KIF1A: variants seen among roughly 807,000 people sequenced by gnomAD.
KIF1A encodes kinesin family member 1A.
KIF1A carries 46 observed loss-of-function variants against 227.3 expected under a neutral mutation model. The observed-to-expected ratio is 0.20, with a 90% CI of 0.16 to 0.26. KIF1A has a LOEUF of 0.26. Ranked by LOEUF, KIF1A falls within the 10% of genes least tolerant of loss-of-function variation. The probability of loss-of-function intolerance (pLI) is 1.00; values close to 1 mark genes in which losing one functional copy is unlikely to be tolerated. For missense variants in KIF1A, 1,683 were observed against 2,485.9 expected, an observed-to-expected ratio of 0.68 and a Z score of 6.87; for synonymous variants, 1,022 against 1,012.8, an observed-to-expected ratio of 1.01 and a Z score of -0.17.
intron 7 of KIF1A, 68 bp from the exon 8 acceptor site, chr2:240,783,884 G>T: frequency 1.6e-6 from 2 of 1,234,286 alleles, no homozygotes; most frequent in Non-Finnish European, 2.3e-6. Context: ...AGGACCCCTG[G>T]GCAAGGTCTC....
chr2:240,718,627 G>A (rs908523877), intron 47 of KIF1A, among the ~76,000 whole-genome samples: 1 of 152,384 alleles, frequency 6.6e-6, no homozygotes, highest in African/African-American at 2.4e-5. Context: ...GGGCTGGGCA[G>A]AGTGGGGGCA....
rs1395665004 is a variant in KIF1A, at chr2:240,797,690, G to A, written c.63C>T (p.Ser21=). ...RVRPFNSREM[S]RDSKCIIQMS... is the part of the protein sequence containing the mutation. ...TCTGAATGATGCACTTGGAGTCACG[G>A]CTCATTTCCCGGGAATTGAAGGGGC... is the stretch of plus-strand genomic sequence containing the variant. The change falls in exon 2 of 49, where the codon AGC becomes AGT. Residue 21 remains serine, a synonymous_variant. Transcript: ENST00000498729. 2 of 1,612,814 alleles carry A rather than the reference G, an allele frequency of 1.2e-6. No homozygotes were observed. The highest frequency in any genetic ancestry group is 8.5e-7 in the Non-Finnish European group (1 of 1,179,624).
At chr2:240,720,350 G>C (rs951551604) in intron 45 of KIF1A, 1 of 163,682 alleles carries the variant, frequency 6.1e-6, no homozygotes, top group African/African-American at 2.4e-5. Flanking sequence ...CCCCCACATG[G>C]GCCAGGCCCC....
Position 240,771,082 on chromosome 2 carries a change from C to T in KIF1A, c.1230G>A (p.Met410Ile), listed in dbSNP as rs1413146684. The T allele has an allele frequency of 6.2e-7, 1 of 1,613,560 alleles. No individual in the cohort carries two copies. Among genetic ancestry groups the T allele is most frequent in the Non-Finnish European group, 8.5e-7 (1 of 1,179,806 alleles). Residue 410 changes from methionine (M) to isoleucine (I), a missense_variant, in exon 15 of 49, where the codon ATG (methionine) becomes ATA (isoleucine). Met to Ile is a conservative substitution (Grantham distance 10). Coordinates refer to ENST00000498729, the MANE Select transcript of KIF1A (RefSeq NM_001244008.2). ...GGGCTGAGAGCGAGGATGAGGGGCTCATACCCACCAGGGCATTGGTCACTG... is the reference window on the plus strand; with the variant it reads ...GGGCTGAGAGCGAGGATGAGGGGCTTATACCCACCAGGGCATTGGTCACTG... ...GPKLTNALVG[M>I]SPSSSLSALS... is the part of the protein sequence containing the mutation.
At position 240,792,344 on chromosome 2, in the gene KIF1A, T is replaced by A. The variant is rs897103939; in HGVS notation, c.107-3032A>T. 6.6e-5 allele frequency among the ~76,000 whole-genome samples: 10 copies of A among 152,036 alleles called. No homozygotes were observed. The highest frequency in any genetic ancestry group is 2.4e-4 in the African/African-American group (10 of 41,484). On this transcript the variant is annotated intron_variant, in intron 2 of 48. Coordinates refer to ENST00000498729, the MANE Select transcript of KIF1A (RefSeq NM_001244008.2). This position sits in a 1 kb window ranked among gnomAD's most constrained non-coding sequence, Gnocchi z 4.5. ...AGAAACAGGTCCTCCCAGGGCCTGC[T>A]GGGCTGGGCTCCTCAGCCAGCCCCT...
chr2:240,786,856 C>T (rs2126084264), intron 5 of KIF1A, among the ~76,000 whole-genome samples: 1 of 68,036 alleles, frequency 1.5e-5, no homozygotes, highest in Admixed American at 1.5e-4. Context: ...GCAGAGGGCT[C>T]CCAGTCTGCA....
At chr2:240,774,072 C>A in intron 12 of KIF1A, 111 bp downstream of exon 12, 1 of 651,282 alleles carries the variant, frequency 1.5e-6, no homozygotes, top group Non-Finnish European at 2.7e-6. Context: ...AGGGTATACC[C>A]CTCACAAAGA....
intron 1 of KIF1A, among the ~76,000 whole-genome samples, chr2:240,799,721 G>C (rs980467237): frequency 6.6e-6 from 1 of 152,232 alleles, no homozygotes; most frequent in Non-Finnish European, 1.5e-5. Flanking sequence ...CCTGGCTAGA[G>C]CACAAATCCC....
chr2:240,772,444 C>A, intron 14 of KIF1A, 126 bp downstream of exon 14: 1 of 771,260 alleles, frequency 1.3e-6, no homozygotes, highest in Non-Finnish European at 2.2e-6. Flanking sequence ...TTTCTGCCCC[C>A]CAAAAAGGAG....
chr2:240,790,682 G>A lies in KIF1A; in HGVS notation c.107-1370C>T, dbSNP rs914454550. Among the ~76,000 whole-genome samples the A allele has an allele frequency of 3.9e-5, 6 of 152,128 alleles. No homozygotes were observed. The highest frequency in any genetic ancestry group is 1.2e-4 in the African/African-American group (5 of 41,420). ...CTCCATGAAGACGGGCCCTAATCTA[G>A]TGCTGCCATGTCCTTATAAAAGAGG... On this transcript the variant is annotated intron_variant, in intron 2 of 48. Coordinates refer to ENST00000498729, the MANE Select transcript of KIF1A (RefSeq NM_001244008.2). The surrounding 1 kb of genome is among the most constrained non-coding windows in gnomAD (Gnocchi z 5.0).
chr2:240,775,026 C>T lies in KIF1A; in HGVS notation c.959-765G>A, dbSNP rs1175898265. 6.6e-6 allele frequency among the ~76,000 whole-genome samples: 1 copy of T among 152,200 alleles called. No individual in the cohort carries two copies. Among genetic ancestry groups the T allele is most frequent in the African/African-American group, 2.4e-5 (1 of 41,446 alleles). On this transcript the variant is annotated intron_variant, in intron 11 of 48. Transcript: ENST00000498729. This position sits in a 1 kb window ranked among gnomAD's most constrained non-coding sequence, Gnocchi z 5.5. ...CTCTGTGGGAGGACTCCCCTGCCCCCGCCCTGGGACTGAACCTGGGTGTGC... is the reference window on the plus strand; with the variant it reads ...CTCTGTGGGAGGACTCCCCTGCCCCTGCCCTGGGACTGAACCTGGGTGTGC...
chr2:240,731,755 C>T (rs915630894), intron 38 of KIF1A, among the ~76,000 whole-genome samples: 1 of 152,188 alleles, frequency 6.6e-6, no homozygotes, highest in African/African-American at 2.4e-5. Flanking sequence ...GTCCCCCTCG[C>T]CCTGGCTGAC....
Position 240,719,115 on chromosome 2 carries a change from C to T in KIF1A, c.5105G>A (p.Arg1702His), listed in dbSNP as rs369839651. Residue 1702 changes from arginine to histidine, a missense_variant, in exon 47 of 49, where the codon CGC becomes CAC. By Grantham distance (29) the Arg-to-His change is conservative (BLOSUM62 0). Around this residue, in one of 12 missense-constraint regions of KIF1A, gnomAD observed 384 missense variants for 410.1 expected, o/e 0.94. Transcript: ENST00000498729. The stretch of plus-strand genomic sequence containing the variant: ...GCTGTTGTACATGTAGGCATAGGGG[C>T]GCCGCACCACCACGAAGCGCCTGGC... ...GWARRFVVVR[R>H]PYAYMYNSDK... 22 of 1,612,370 alleles carry T rather than the reference C, an allele frequency of 1.4e-5. No individual in the cohort carries two copies. Among genetic ancestry groups the T allele is most frequent in the South Asian group, 4.4e-5 (4 of 91,032 alleles).
chr2:240,809,571 A>G (rs1192157366), intron 1 of KIF1A, among the ~76,000 whole-genome samples: 2 of 152,274 alleles, frequency 1.3e-5, no homozygotes, highest in Non-Finnish European at 2.9e-5. Context: ...TATATGTCAA[A>G]TAAATTCCAT....
At chr2:240,721,069 C>T in intron 44 of KIF1A, 31 bp from the exon 45 acceptor site, 1 of 1,610,028 alleles carries the variant, frequency 6.2e-7, no homozygotes, top group South Asian at 1.1e-5. Flanking sequence ...TCAGGGGACA[C>T]AGGGAAGGGG....
intron 1 of KIF1A, among the ~76,000 whole-genome samples, chr2:240,817,610 G>A (rs1386503591): frequency 1.3e-5 from 2 of 152,194 alleles, no homozygotes; most frequent in Non-Finnish European, 2.9e-5. Context: ...AAATCCCAAT[G>A]ACCTAATGCT....
At chr2:240,772,617 G>C in intron 13 of KIF1A, 21 bp from the exon 14 acceptor site, 1 of 1,529,958 alleles carries the variant, frequency 6.5e-7, no homozygotes, top group Non-Finnish European at 8.9e-7. Flanking sequence ...GGGAAGCGTG[G>C]GGGAGGGGGA....
At chr2:240,748,068 A>G (rs1440233179) in intron 28 of KIF1A, among the ~76,000 whole-genome samples, 3 of 152,236 alleles carry the variant, frequency 2.0e-5, no homozygotes, top group Non-Finnish European at 4.4e-5. Context: ...GTATCACCCA[A>G]CATAAAATGA....
At chr2:240,728,751 G>C (rs1282935816) in intron 38 of KIF1A, among the ~76,000 whole-genome samples, 1 of 152,230 alleles carries the variant, frequency 6.6e-6, no homozygotes, top group African/African-American at 2.4e-5. Flanking sequence ...GGAGGGTCAG[G>C]CCTGCAGGCC....
Sources: allele counts gnomAD v4.1 joint callset (sites outside exome capture counted in the v4.1 genomes callset), GRCh38; gene constraint gnomAD v4.1.1; regional missense constraint gnomAD v4.1.1; non-coding constraint Gnocchi (gnomAD v3.1); transcripts MANE v1.5; gene names NCBI Gene and HGNC (gene_info 2026-07-23, HGNC 2026-07-21).